GART: variants seen among roughly 807,000 people sequenced by gnomAD.
GART encodes the protein phosphoribosylglycinamide formyltransferase, phosphoribosylglycinamide synthetase, phosphoribosylaminoimidazole synthetase, also known as trifunctional purine biosynthetic protein adenosine-3.
In GART, 43 loss-of-function variants were observed where a neutral mutation model predicts 107.2. The ratio of observed to expected loss-of-function variants is 0.40; its 90% CI spans 0.31 to 0.52. GART has a LOEUF of 0.52. Among genes scored for constraint, GART ranks in the 20% least tolerant of loss-of-function variants. GART has a pLI of 0.52. For missense variants in GART, 1,107 were observed against 1,206.5 expected (o/e 0.92, Z 1.22); for synonymous variants, 434 against 427.0 (o/e 1.02, Z -0.20).
chr21:33,517,518 T>A lies in GART; in HGVS notation c.1793A>T (p.Lys598Ile). ...FAVGAMERDQ[K>I]LPHLERITEG... ...AGTGATTCTTTCCAGGTGAGGGAGT[T>A]TCTGATCTCGCTCCATGGCACCAAC... is the stretch of plus-strand genomic sequence containing the variant. Residue 598 changes from lysine to isoleucine, a missense_variant, in exon 15 of 22, where the codon AAA becomes ATA. By Grantham distance (102) the Lys-to-Ile change is moderately radical. Transcript: ENST00000381815. 6.2e-7 allele frequency: 1 copy of A among 1,614,212 alleles called. No individual in the cohort carries two copies.
At chr21:33,539,028 T>G (rs923052047) in intron 2 of GART, 143 bp downstream of exon 2, 1 of 621,678 alleles carries the variant, frequency 1.6e-6, no homozygotes, top group Non-Finnish European at 2.6e-6. Context: ...GATCCGCATA[T>G]CTCGGCCTCC....
At chr21:33,504,999 A>G (rs974188451) in intron 20 of GART, among the ~76,000 whole-genome samples, 38 of 152,354 alleles carry the variant, frequency 2.5e-4, no homozygotes, top group African/African-American at 8.2e-4. Flanking sequence ...AAGAATACAT[A>G]AACTCTTTGG....
chr21:33,509,456 T>G (rs779491519), intron 18 of GART: 12 of 204,458 alleles, frequency 5.9e-5, no homozygotes, highest in Non-Finnish European at 1.1e-4. Flanking sequence ...ATAAACTTCT[T>G]CTAATTAATA....
chr21:33,524,104 T>C (rs2145722910), intron 11 of GART: 2 of 984,906 alleles, frequency 2.0e-6, no homozygotes, highest in African/African-American at 1.7e-5. Context: ...TAGTAATAGA[T>C]ACAAACGCAG....
chr21:33,517,979 C>T lies in GART; in HGVS notation c.1703-371G>A, dbSNP rs150642181. 3.1e-3 allele frequency among the ~76,000 whole-genome samples: 472 copies of T among 152,302 alleles called. 1 individual carries two copies. Among genetic ancestry groups the T allele is most frequent in the Middle Eastern group, 0.01 (3 of 294 alleles). On this transcript the variant is annotated intron_variant, in intron 14 of 21. Transcript: ENST00000381815. The stretch of plus-strand genomic sequence containing the variant: ...TCAGTCCATTTTTCAGGTGATGATA[C>T]AGCCTTAAAGAAGTGACTTAACTGG...
At chr21:33,530,992 G>C (rs1342825917) in intron 6 of GART, 108 bp from the exon 7 acceptor site, 9 of 791,794 alleles carry the variant, frequency 1.1e-5, no homozygotes, top group South Asian at 4.0e-5. Context: ...GGAAAAGTTT[G>C]TTTTTTTTTT....
At chr21:33,506,896 C>T (rs1453137867) in intron 18 of GART, among the ~76,000 whole-genome samples, 2 of 151,970 alleles carry the variant, frequency 1.3e-5, no homozygotes, top group Non-Finnish European at 2.9e-5. Context: ...TGGCTTTTAT[C>T]CAAAACACAG....
chr21:33,524,971 C>T lies in GART; in HGVS notation c.1096G>A (p.Glu366Lys). ...GFPEAQALGLEVFHAGTALKN... is the reference protein window; with the variant it reads ...GFPEAQALGLKVFHAGTALKN... Reference sequence around the variant, plus strand: ...AGGGCAGTGCCTGCATGGAACACCTCCAGTCCTAGAGCTTGAGCCTCAGGA... The same window carrying T: ...AGGGCAGTGCCTGCATGGAACACCTTCAGTCCTAGAGCTTGAGCCTCAGGA... The change falls in exon 11 of 22, where the codon GAG becomes AAG. Residue 366 changes from glutamate to lysine, a missense_variant. Transcript: ENST00000381815. 6.2e-7 allele frequency: 1 copy of T among 1,614,154 alleles called. No homozygotes were observed. Among genetic ancestry groups the T allele is most frequent in the East Asian group, 2.2e-5 (1 of 44,882 alleles).
chr21:33,505,937 A>G (rs755869094), intron 19 of GART, 37 bp downstream of exon 19: 2 of 1,611,370 alleles, frequency 1.2e-6, no homozygotes, highest in East Asian at 4.5e-5. Flanking sequence ...GAGCTTAAAT[A>G]TGGCCCACAG....
chr21:33,509,884 C>G lies in GART; in HGVS notation c.2351G>C (p.Ser784Thr). 2 of 1,613,418 alleles carry G rather than the reference C, an allele frequency of 1.2e-6. No individual in the cohort carries two copies. Among genetic ancestry groups the G allele is most frequent in the South Asian group, 2.2e-5 (2 of 90,984 alleles). The change falls in exon 18 of 22, where the codon AGC becomes ACC. Residue 784 changes from serine to threonine, a missense_variant. Ser to Thr is a moderately conservative substitution (Grantham distance 58, BLOSUM62 1). Transcript: ENST00000381815. ...CAACACTGACCCATTTATTTGCATG[C>G]TTTCAATCAGATTCTTGACTTTCAC... is the stretch of plus-strand genomic sequence containing the variant. ...PRVKVKNLIE[S>T]MQINGSVLKN...
chr21:33,511,400 G>C lies in GART; in HGVS notation c.2166C>G (p.Leu722=). Residue 722 remains leucine, a synonymous_variant, in exon 17 of 22, where the codon CTC becomes CTG. Transcript: ENST00000381815. ...VFSWLQQEGH[L]SEEEMARTFN... ...ATGTTCTGGCCATCTCTTCCTCAGAGAGGTGTCCTTCCTGCTGCAACCATG... is the reference window on the plus strand; with the variant it reads ...ATGTTCTGGCCATCTCTTCCTCAGACAGGTGTCCTTCCTGCTGCAACCATG... The C allele has an allele frequency of 1.2e-6, 2 of 1,614,136 alleles. No individual in the cohort carries two copies. The highest frequency in any genetic ancestry group is 1.7e-6 in the Non-Finnish European group (2 of 1,180,026).
At chr21:33,526,777 A>G (rs1396069850) in intron 10 of GART, among the ~76,000 whole-genome samples, 2 of 152,234 alleles carry the variant, frequency 1.3e-5, no homozygotes, top group Admixed American at 6.5e-5. Context: ...ATTAGACTAT[A>G]TATTCTAAAT....
Position 33,539,064 on chromosome 21 carries a change from G to A in GART, c.145+107C>T, listed in dbSNP as rs1176578279. 4.7e-6 allele frequency: 5 copies of A among 1,075,156 alleles called. No homozygotes were observed. In the African/African-American group the frequency reaches 6.6e-5, roughly 14 times the overall value. 66.6% of individuals were successfully genotyped at this position (1,075,156 alleles called of 1,614,324 possible). On this transcript the variant is annotated intron_variant, in intron 2 of 21. Transcript: ENST00000381815. ...CAAAGTGCTGGGATTACAGGCATTA[G>A]CCACTGTGCCCAGCCTATCTTTATT...
chr21:33,535,339 A>G lies in GART; in HGVS notation c.146-19T>C. ...GAGATGGCTGTAAACAGAAAAAAAAAAAAAAAAACCACTGCATTTACAAAA... is the reference window on the plus strand; with the variant it reads ...GAGATGGCTGTAAACAGAAAAAAAAGAAAAAAAACCACTGCATTTACAAAA... On this transcript the variant is annotated intron_variant, in intron 2 of 21. Transcript: ENST00000381815. 1.4e-6 allele frequency: 2 copies of G among 1,435,054 alleles called. No individual in the cohort carries two copies. The highest frequency in any genetic ancestry group is 9.3e-7 in the Non-Finnish European group (1 of 1,074,152). 88.9% of individuals were successfully genotyped at this position (1,435,054 alleles called of 1,614,324 possible). A position where few individuals can be genotyped will look rare whatever the true frequency, so the allele number is the denominator to read the frequency against.
In GART at chr21:33,518,869, G is replaced by A. The variant is rs115203633; in HGVS notation, c.1703-1261C>T. ...TGCTGGTAGCATTTCTATCAGCTGCGTTGTCTCAGCATGGCCTGTAATGGT... is the reference window on the plus strand; with the variant it reads ...TGCTGGTAGCATTTCTATCAGCTGCATTGTCTCAGCATGGCCTGTAATGGT... On this transcript the variant is annotated intron_variant, in intron 14 of 21. Transcript: ENST00000381815. 3.1e-3 allele frequency: 1,680 copies of A among 535,864 alleles called. 28 individuals carry two copies. Among genetic ancestry groups the A allele is most frequent in the African/African-American group, 0.03 (1,557 of 52,552 alleles). The allele number at this position is 535,864 out of a possible 1,614,324, so 33.2% of individuals were successfully genotyped here. A position where few individuals can be genotyped will look rare whatever the true frequency, so the allele number is the denominator to read the frequency against.
At chr21:33,505,745 C>T (rs751519136) in intron 19 of GART, 43 bp from the exon 20 acceptor site, 1 of 1,524,906 alleles carries the variant, frequency 6.6e-7, no homozygotes, top group Admixed American at 2.1e-5. Context: ...CAATGAATTA[C>T]CAAAAATAAT....
chr21:33,534,687 A>G lies in GART; in HGVS notation c.308T>C (p.Leu103Ser). 1 of 1,613,188 alleles carries G rather than the reference A, an allele frequency of 6.2e-7. No individual in the cohort carries two copies. The change falls in exon 4 of 22, where the codon TTA (leucine) becomes TCA (serine). Residue 103 changes from leucine (L) to serine (S), a missense_variant. Coordinates refer to ENST00000381815, the MANE Select transcript of GART (RefSeq NM_000819.5). ...CFGPTAEAAQ[L>S]ESSKRFAKEF... ...TTTGGCAAACCTTTTGCTGGACTCT[A>G]ACTGAGCCGCTTCTGCTGTTGGGCC... is the stretch of plus-strand genomic sequence containing the variant.
chr21:33,509,766 G>T lies in GART; in HGVS notation c.2452+17C>A, dbSNP rs2084750261. The T allele has an allele frequency of 6.2e-7, 1 of 1,612,428 alleles. No homozygotes were observed. The highest frequency in any genetic ancestry group is 1.7e-5 in the Admixed American group (1 of 59,700). ...GGCAGTCAACAGCTCTACAGTGAAG[G>T]GGAAGCCACATCTCACCTGTTCCAG... On this transcript the variant is annotated intron_variant, in intron 18 of 21. Transcript: ENST00000381815.
intron 10 of GART, among the ~76,000 whole-genome samples, chr21:33,526,874 T>G (rs1340466516): frequency 6.6e-6 from 1 of 152,232 alleles, no homozygotes; most frequent in Admixed American, 6.5e-5. Flanking sequence ...CCTGGTGGTC[T>G]TCTTTTTCCG....
Sources: gnomAD v4.1 joint callset for allele counts (sites outside exome capture counted in the v4.1 genomes callset) on GRCh38, gnomAD v4.1.1 for gene constraint, MANE v1.5 for transcripts, NCBI Gene and HGNC (gene_info 2026-07-23, HGNC 2026-07-21) for gene names.